The following SNTG1 variants were observed in gnomAD, a reference collection of about 807,000 sequenced individuals.
SNTG1 encodes gamma-1-syntrophin.
A neutral mutation model predicts 74.7 loss-of-function variants in SNTG1; 39 were observed. The observed-to-expected ratio is 0.52, with a 90% CI of 0.40 to 0.68. The LOEUF is 0.68. Among genes scored for constraint, SNTG1 ranks in the 30% least tolerant of loss-of-function variants. The pLI, the probability that SNTG1 is intolerant of heterozygous loss-of-function variation, is 0.00. For synonymous variants in SNTG1, 254 were observed against 217.1 expected (o/e 1.17, Z -1.49); for missense variants, 685 against 609.5 (o/e 1.12, Z -1.30).
At chr8:50,453,796 G>T (rs1398665975) in intron 8 of SNTG1, among the ~76,000 whole-genome samples, 1 of 152,086 alleles carries the variant, frequency 6.6e-6, no homozygotes, top group Non-Finnish European at 1.5e-5. Flanking sequence ...GTCAAGGTGG[G>T]ACAGGGTCTG....
At chr8:50,562,006 T>C (rs2094491256) in intron 12 of SNTG1, among the ~76,000 whole-genome samples, 1 of 152,180 alleles carries the variant, frequency 6.6e-6, no homozygotes, top group African/African-American at 2.4e-5. Context: ...TATATGTCCT[T>C]ACCCAAAAAA....
chr8:50,632,559 C>G (rs562998647), intron 13 of SNTG1, among the ~76,000 whole-genome samples: 6 of 152,282 alleles, frequency 3.9e-5, no homozygotes, highest in African/African-American at 1.4e-4. Context: ...ATCCACCCAC[C>G]TTGGCCTCCC....
intron 12 of SNTG1, among the ~76,000 whole-genome samples, chr8:50,567,714 T>C (rs1477559007): frequency 1.3e-5 from 2 of 152,142 alleles, no homozygotes; most frequent in Admixed American, 6.6e-5. Context: ...ATGTTTTAAA[T>C]GGATAATGAA....
chr8:50,262,913 A>G (rs4398931), intron 2 of SNTG1, among the ~76,000 whole-genome samples: 85,743 of 151,966 alleles, frequency 0.56, 27,943 homozygotes, highest in East Asian at 0.83. Context: ...AATTTAAATC[A>G]CTTGTTTTCA....
intron 2 of SNTG1, among the ~76,000 whole-genome samples, chr8:50,281,003 A>AG (rs1166353710): frequency 2.7e-5 from 4 of 150,790 alleles, no homozygotes; most frequent in East Asian, 1.9e-4. Flanking sequence ...AAAAAAAAAA[A>AG]AAAGAAAGAA....
intron 8 of SNTG1, among the ~76,000 whole-genome samples, chr8:50,502,558 G>A (rs977244653): frequency 1.3e-5 from 2 of 152,128 alleles, no homozygotes; most frequent in African/African-American, 4.8e-5. Context: ...GAAGATTCAC[G>A]TTGTGTATAA....
At chr8:50,514,730 G>A (rs2094116935) in intron 9 of SNTG1, among the ~76,000 whole-genome samples, 1 of 152,130 alleles carries the variant, frequency 6.6e-6, no homozygotes, top group Non-Finnish European at 1.5e-5. Flanking sequence ...TTCTGTATAT[G>A]TGTTAAGCCA....
At chr8:50,304,740 C>T (rs2089802809) in intron 2 of SNTG1, among the ~76,000 whole-genome samples, 1 of 152,136 alleles carries the variant, frequency 6.6e-6, no homozygotes, top group African/African-American at 2.4e-5. Flanking sequence ...TCATACTATA[C>T]TCTGTCTAAT....
chr8:50,313,630 C>T (rs2090202707), intron 2 of SNTG1, among the ~76,000 whole-genome samples: 1 of 149,696 alleles, frequency 6.7e-6, no homozygotes, highest in Non-Finnish European at 1.5e-5. Context: ...GTTAAAATGG[C>T]TATTATATTT....
chr8:50,279,910 AT>A (rs1563837403), intron 2 of SNTG1, among the ~76,000 whole-genome samples: 1 of 152,198 alleles, frequency 6.6e-6, no homozygotes. Flanking sequence ...CATTTTAGAG[AT>A]GTAGTCATCC....
chr8:49,964,181 C>G (rs1445402198), intron 1 of SNTG1, among the ~76,000 whole-genome samples: 1 of 152,192 alleles, frequency 6.6e-6, no homozygotes, highest in African/African-American at 2.4e-5. Flanking sequence ...AATCAGTAGA[C>G]TTGGAGCAAA....
chr8:50,409,988 G>A (rs3919897), intron 4 of SNTG1, among the ~76,000 whole-genome samples: 143,969 of 152,240 alleles, frequency 0.95, 68,359 homozygotes, highest in Non-Finnish European at 1. Context: ...AAAATCAACA[G>A]AACAACTTCT....
At chr8:50,741,373 T>G (rs1245378335) in intron 17 of SNTG1, among the ~76,000 whole-genome samples, 4 of 151,950 alleles carry the variant, frequency 2.6e-5, no homozygotes, top group Non-Finnish European at 1.5e-5. Context: ...TCTTCCCGCA[T>G]CCACTTCCCA....
intron 1 of SNTG1, among the ~76,000 whole-genome samples, chr8:50,020,600 G>C (rs1417913864): frequency 1.3e-5 from 2 of 151,916 alleles, no homozygotes; most frequent in Admixed American, 6.6e-5. Context: ...AATCTGCATG[G>C]ATTTTATTGT....
chr8:50,553,199 A>C lies in SNTG1; in HGVS notation c.810+20A>C. The C allele has an allele frequency of 6.2e-7, 1 of 1,613,314 alleles. No homozygotes were observed. Among genetic ancestry groups the C allele is most frequent in the East Asian group, 2.2e-5 (1 of 44,830 alleles). ...CACAATGTAAGTAATGATTCAAGGA[A>C]TACCTAGCCAGGGTTTCTCAGGCTT... On this transcript the variant is annotated intron_variant, in intron 12 of 18. Coordinates refer to ENST00000642720, the MANE Select transcript of SNTG1 (RefSeq NM_018967.5).
Position 50,570,869 on chromosome 8 carries a change from G to C in SNTG1, c.810+17690G>C, listed in dbSNP as rs558079523. On this transcript the variant is annotated intron_variant, in intron 12 of 18. Transcript: ENST00000642720. ...TCTGCCTGCCTCAGCCTCCCAAAGT[G>C]CTGGGATTACAGGTGTGAGCCACCA... Among the ~76,000 whole-genome samples the C allele has an allele frequency of 2.2e-4, 34 of 151,914 alleles. 2 individuals are homozygous for C. The South Asian group carries it at 5.4e-3, about 24-fold the overall frequency.
intron 2 of SNTG1, among the ~76,000 whole-genome samples, chr8:50,245,052 A>G (rs2086333661): frequency 6.6e-6 from 1 of 152,090 alleles, no homozygotes; most frequent in Non-Finnish European, 1.5e-5. Flanking sequence ...TCTTGGTTGG[A>G]TCAGAGCAAT....
At chr8:50,206,274 G>C (rs2084233175) in intron 2 of SNTG1, among the ~76,000 whole-genome samples, 1 of 152,088 alleles carries the variant, frequency 6.6e-6, no homozygotes. Flanking sequence ...TCCTTGAAGA[G>C]GTCCTTCACA....
intron 17 of SNTG1, among the ~76,000 whole-genome samples, chr8:50,737,754 C>T (rs751764221): frequency 1.2e-4 from 18 of 152,072 alleles, no homozygotes; most frequent in African/African-American, 2.7e-4. Context: ...GCTGTTTCAA[C>T]GTATGCAAAT....
Sources: allele counts gnomAD v4.1 joint callset (sites outside exome capture counted in the v4.1 genomes callset), GRCh38; gene constraint gnomAD v4.1.1; transcripts MANE v1.5; gene names NCBI Gene and HGNC (gene_info 2026-07-23, HGNC 2026-07-21).